Variants in DMXL1 observed in about 807,000 individuals in gnomAD.
DMXL1 encodes Dmx like 1, also known as dmX-like protein 1.
A neutral mutation model predicts 319.2 loss-of-function variants in DMXL1; 99 were observed. The observed-to-expected ratio is 0.31, with a 90% CI of 0.26 to 0.37. DMXL1 has a LOEUF of 0.37. Ranked by LOEUF, DMXL1 falls within the 10% of genes least tolerant of loss-of-function variation. The probability of loss-of-function intolerance (pLI) is 1.00; values close to 1 mark genes in which losing one functional copy is unlikely to be tolerated. For synonymous variants in DMXL1, 1,385 were observed against 1,235.2 expected, an observed-to-expected ratio of 1.12 and a Z score of -2.54; for missense variants, 3,745 against 3,595.6, an observed-to-expected ratio of 1.04 and a Z score of -1.06.
intron 15 of DMXL1, among the ~76,000 whole-genome samples, chr5:119,145,105 G>A (rs1024507222): frequency 1.3e-5 from 2 of 151,768 alleles, no homozygotes; most frequent in African/African-American, 2.4e-5. Flanking sequence ...GGCACACTGA[G>A]TAAAATAAAG....
At chr5:119,088,761 TAAAAA>T (rs1487413239) in intron 1 of DMXL1, among the ~76,000 whole-genome samples, 1 of 152,086 alleles carries the variant, frequency 6.6e-6, no homozygotes, top group Non-Finnish European at 1.5e-5. Flanking sequence ...TAGAAACAAA[TAAAAA>T]TAAAATGCTA....
chr5:119,208,445 G>A (rs1251652264), intron 34 of DMXL1, among the ~76,000 whole-genome samples: 9 of 151,768 alleles, frequency 5.9e-5, no homozygotes, highest in Admixed American at 1.3e-4. Flanking sequence ...AACTCCCAAC[G>A]TCAGGTGATC....
Position 119,116,278 on chromosome 5 carries a change from G to T in DMXL1, c.685G>T (p.Ala229Ser). ...GEIDFSFVYL[A>S]HPRAVNGFSW... is the part of the protein sequence containing the mutation. ...AATTGACTTTTCTTTTGTGTATCTG[G>T]CCCATCCTCGAGCAGTAAATGGATT... Residue 229 changes from alanine (A) to serine (S), a missense_variant, in exon 7 of 44, where the codon GCC becomes TCC. Physicochemically the swap from Ala to Ser is moderately conservative, Grantham distance 99. This residue lies in a region of DMXL1 where 2,096 missense variants were observed against 1,985.4 expected (regional missense o/e 1.06). Transcript: ENST00000539542. 2.5e-6 allele frequency: 4 copies of T among 1,613,934 alleles called. No homozygotes were observed. The highest frequency in any genetic ancestry group is 2.5e-6 in the Non-Finnish European group (3 of 1,179,944).
Position 119,230,024 on chromosome 5 carries a change from C to T in DMXL1, c.8339-3316C>T, listed in dbSNP as rs141877857. Among the ~76,000 whole-genome samples the T allele has an allele frequency of 1.5e-3, 227 of 152,070 alleles. 1 individual carries two copies. Among genetic ancestry groups the T allele is most frequent in the African/African-American group, 5.2e-3 (216 of 41,500 alleles). ...GTGATCTAGATATTCAATTAATATC[C>T]ATCATTTAATTTAACTTAATGAAAT... On this transcript the variant is annotated intron_variant, in intron 38 of 43. Transcript: ENST00000539542.
chr5:119,162,642 T>G (rs1772519222), intron 19 of DMXL1, among the ~76,000 whole-genome samples: 1 of 152,244 alleles, frequency 6.6e-6, no homozygotes, highest in South Asian at 2.1e-4. Flanking sequence ...AGGTTAAGTT[T>G]CAACATGAAA....
intron 1 of DMXL1, among the ~76,000 whole-genome samples, chr5:119,080,235 T>A (rs1751893366): frequency 6.6e-6 from 1 of 152,114 alleles, no homozygotes; most frequent in Non-Finnish European, 1.5e-5. Context: ...TGATCTCAGC[T>A]ACTCGGGAGG....
chr5:119,143,888 C>A lies in DMXL1; in HGVS notation c.2424C>A (p.Ala808=). ...VFNIVSQQST[A]RPGCIIALDP... ...ACATCGTCAGTCAACAATCAACAGC[C>A]AGGCCAGGATGCATTATTGCATTAG... Residue 808 remains alanine (A), a synonymous_variant, in exon 14 of 44, where the codon GCC becomes GCA. Transcript: ENST00000539542. 1 of 1,586,012 alleles carries A rather than the reference C, an allele frequency of 6.3e-7. No homozygotes were observed. The highest frequency in any genetic ancestry group is 8.6e-7 in the Non-Finnish European group (1 of 1,166,546).
intron 2 of DMXL1, among the ~76,000 whole-genome samples, chr5:119,099,723 C>T (rs1377265341): frequency 2.0e-5 from 3 of 152,034 alleles, no homozygotes; most frequent in African/African-American, 7.2e-5. Flanking sequence ...AAATCATGGC[C>T]ATGTGTGGTG....
Position 119,170,684 on chromosome 5 carries a change from G to C in DMXL1, c.5893G>C (p.Glu1965Gln). ...TGTTGTGTTTCAGGATGACTCTTTA[G>C]AGTTAAAATGGGACAGTGATAATGA... ...PSVVFQDDSLELKWDSDNDEE... is the reference protein window; with the variant it reads ...PSVVFQDDSLQLKWDSDNDEE... The change falls in exon 24 of 44, where the codon GAG becomes CAG. Residue 1965 changes from glutamate (E) to glutamine (Q), a missense_variant. Transcript: ENST00000539542. 1 of 1,613,488 alleles carries C rather than the reference G, an allele frequency of 6.2e-7. No homozygotes were observed. The highest frequency in any genetic ancestry group is 8.5e-7 in the Non-Finnish European group (1 of 1,179,872).
chr5:119,176,318 T>G (rs1775790852), intron 26 of DMXL1, among the ~76,000 whole-genome samples: 1 of 152,046 alleles, frequency 6.6e-6, no homozygotes, highest in African/African-American at 2.4e-5. Flanking sequence ...GTGTCAGCCT[T>G]CCTTGTTAAT....
At chr5:119,202,577 T>G (rs938476402) in intron 32 of DMXL1, among the ~76,000 whole-genome samples, 2 of 151,928 alleles carry the variant, frequency 1.3e-5, no homozygotes, top group Admixed American at 6.6e-5. Flanking sequence ...AAATATAATT[T>G]CTCACCTTCA....
chr5:119,078,558 T>C (rs1383618944), intron 1 of DMXL1, among the ~76,000 whole-genome samples: 3 of 152,170 alleles, frequency 2.0e-5, no homozygotes, highest in East Asian at 1.9e-4. Context: ...TCAATCAGTC[T>C]TCCCACTTCA....
chr5:119,181,053 T>A (rs940662494), intron 28 of DMXL1, among the ~76,000 whole-genome samples: 1 of 152,234 alleles, frequency 6.6e-6, no homozygotes, highest in Admixed American at 6.5e-5. Context: ...TTGATCTTTG[T>A]ATAAGGTTGG....
chr5:119,106,994 C>G (rs1358338938), intron 4 of DMXL1, among the ~76,000 whole-genome samples: 1 of 151,994 alleles, frequency 6.6e-6, no homozygotes, highest in African/African-American at 2.4e-5. Context: ...CCTTGAGAAG[C>G]TTGTATATCA....
chr5:119,127,044 C>A, intron 9 of DMXL1: 1 of 166,522 alleles, frequency 6.0e-6, no homozygotes. Flanking sequence ...GTCTTCTTTC[C>A]TCTTCCATTT....
At chr5:119,200,184 T>C (rs1035076180) in intron 32 of DMXL1, among the ~76,000 whole-genome samples, 1 of 152,314 alleles carries the variant, frequency 6.6e-6, no homozygotes, top group Non-Finnish European at 1.5e-5. Flanking sequence ...CTAGGTTGTT[T>C]GCTAAAATTT....
In DMXL1 at chr5:119,196,280, C is replaced by T; in HGVS notation, c.7458-91C>T. Reference sequence around the variant, plus strand: ...TAGAGGGGTATGTTCAGGTTGATTCCTGATAGTGGAATTTGTTGAGTCAAA... The same window carrying T: ...TAGAGGGGTATGTTCAGGTTGATTCTTGATAGTGGAATTTGTTGAGTCAAA... On this transcript the variant is annotated intron_variant, in intron 30 of 43. Transcript: ENST00000539542. 4.2e-6 allele frequency: 4 copies of T among 960,438 alleles called. No individual in the cohort carries two copies. In the South Asian group the frequency reaches 5.3e-5, roughly 13 times the overall value. 59.5% of individuals were successfully genotyped at this position (960,438 alleles called of 1,614,324 possible).
chr5:119,236,881 T>G (rs1002139410), intron 39 of DMXL1: 3 of 152,112 alleles, frequency 2.0e-5, no homozygotes, highest in African/African-American at 4.8e-5. Flanking sequence ...GGAATTATTT[T>G]ACTTTGATAA....
At chr5:119,194,950 A>G (rs1020417876) in intron 30 of DMXL1, among the ~76,000 whole-genome samples, 1 of 152,146 alleles carries the variant, frequency 6.6e-6, no homozygotes, top group Non-Finnish European at 1.5e-5. Context: ...TCCAAAGACG[A>G]TATGAAAATA....
Sources: allele counts gnomAD v4.1 joint callset (sites outside exome capture counted in the v4.1 genomes callset), GRCh38; gene constraint gnomAD v4.1.1; regional missense constraint gnomAD v4.1.1; transcripts MANE v1.5; gene names NCBI Gene and HGNC (gene_info 2026-07-23, HGNC 2026-07-21).